PHACTR2: variants seen among roughly 807,000 people sequenced by gnomAD.
PHACTR2 encodes phosphatase and actin regulator 2, also known as chromosome 6 open reading frame 56.
Under a neutral mutation model 76.0 loss-of-function variants are expected in PHACTR2, and 30 were observed. The observed-to-expected ratio is 0.39, with a 90% CI of 0.30 to 0.54. The LOEUF is 0.54. Among genes scored for constraint, PHACTR2 ranks in the 20% least tolerant of loss-of-function variants. The pLI is 0.61. For synonymous variants in PHACTR2, 292 were observed against 292.5 expected (o/e 1.00, Z 0.02); for missense variants, 696 against 781.1 (o/e 0.89, Z 1.30).
Position 143,663,566 on chromosome 6 carries a change from A to C in PHACTR2, c.14-48450A>C, listed in dbSNP as rs750290955. On this transcript the variant is annotated intron_variant, in intron 1 of 11. Transcript: ENST00000305766. The surrounding 1 kb of genome is among the most constrained non-coding windows in gnomAD (Gnocchi z 4.1). ...TTTGTTTTTTTAAATAAATGCGATTAAAGCTTTAAATATAGCTCTAATTAC... is the reference window on the plus strand; with the variant it reads ...TTTGTTTTTTTAAATAAATGCGATTCAAGCTTTAAATATAGCTCTAATTAC... 7.9e-5 allele frequency among the ~76,000 whole-genome samples: 12 copies of C among 152,184 alleles called. No homozygotes were observed. The highest frequency in any genetic ancestry group is 1.6e-4 in the Non-Finnish European group (11 of 68,044).
rs1053236939 is a variant in PHACTR2, at chr6:143,550,117, G to A, written c.217+12910G>A. ...GAGCTCCCACTCTGAGTTCACATAT[G>A]AGTAGATGACAGAGTCGTATTATCT... On this transcript the variant is annotated intron_variant, in intron 1 of 11. Transcript: ENST00000367584. This position sits in a 1 kb window ranked among gnomAD's most constrained non-coding sequence, Gnocchi z 4.8. Among the ~76,000 whole-genome samples the A allele has an allele frequency of 6.6e-6, 1 of 152,020 alleles. No individual in the cohort carries two copies. Among genetic ancestry groups the A allele is most frequent in the Non-Finnish European group, 1.5e-5 (1 of 67,956 alleles).
chr6:143,754,511 C>T lies in PHACTR2; in HGVS notation c.454+599C>T, dbSNP rs1488665840. Among the ~76,000 whole-genome samples the T allele has an allele frequency of 2.0e-5, 3 of 152,198 alleles. No homozygotes were observed. The highest frequency in any genetic ancestry group is 4.4e-5 in the Non-Finnish European group (3 of 68,036). The stretch of plus-strand genomic sequence containing the variant: ...TGCAATTGGAAACTTCAAAATGTGC[C>T]AGAGGCGATTATGCTATTCCCAGAA... On this transcript the variant is annotated intron_variant, in intron 4 of 12. Coordinates refer to ENST00000440869, the MANE Select transcript of PHACTR2 (RefSeq NM_001100164.2). This position sits in a 1 kb window ranked among gnomAD's most constrained non-coding sequence, Gnocchi z 6.2.
chr6:143,801,730 T>C lies in PHACTR2; in HGVS notation c.1846-5327T>C, dbSNP rs919274356. 3.3e-5 allele frequency among the ~76,000 whole-genome samples: 5 copies of C among 152,158 alleles called. No individual in the cohort carries two copies. The highest frequency in any genetic ancestry group is 5.9e-5 in the Non-Finnish European group (4 of 68,018). ...CATCAAACTCATTCTCCGTCCAGTTTTGTTCCCTTGCTGGCGAGGAGTTGT... is the reference window on the plus strand; with the variant it reads ...CATCAAACTCATTCTCCGTCCAGTTCTGTTCCCTTGCTGGCGAGGAGTTGT... On this transcript the variant is annotated intron_variant, in intron 11 of 12. Transcript: ENST00000440869. The surrounding 1 kb of genome is among the most constrained non-coding windows in gnomAD (Gnocchi z 4.6).
chr6:143,661,805 C>G (rs2128448545), intron 1 of PHACTR2, among the ~76,000 whole-genome samples: 1 of 152,150 alleles, frequency 6.6e-6, no homozygotes, highest in East Asian at 1.9e-4. Flanking sequence ...GATTCGCTTG[C>G]CTTAGCCTCC....
intron 2 of PHACTR2, among the ~76,000 whole-genome samples, chr6:143,715,494 T>C (rs1405858104): frequency 1.3e-5 from 2 of 152,218 alleles, no homozygotes; most frequent in East Asian, 3.8e-4. Context: ...GAGGACAGCA[T>C]GTTAACTCAA....
rs1202718726 is a variant in PHACTR2, at chr6:143,772,014, G to T, written c.1233-244G>T. On this transcript the variant is annotated intron_variant, in intron 6 of 12. Transcript: ENST00000440869. This position sits in a 1 kb window ranked among gnomAD's most constrained non-coding sequence, Gnocchi z 5.4. ...TGAAGGAAAAAATAATTTGCAAAAT[G>T]TAGTTTTACCCTATTTGTTTGCTAA... Among the ~76,000 whole-genome samples, 1 of 152,192 alleles carries T rather than the reference G, an allele frequency of 6.6e-6. No homozygotes were observed. The highest frequency in any genetic ancestry group is 1.5e-5 in the Non-Finnish European group (1 of 68,030).
rs2128476694 is a variant in PHACTR2, at chr6:143,777,872, C to T, written c.1645+489C>T. On this transcript the variant is annotated intron_variant, in intron 9 of 12. Transcript: ENST00000440869. The surrounding 1 kb of genome is among the most constrained non-coding windows in gnomAD (Gnocchi z 4.6). ...TTCCTATGTTATGATAACTCGGCTT[C>T]CTTCTTGAGTTGTTTATAATTTCTC... Among the ~76,000 whole-genome samples the T allele has an allele frequency of 3.3e-5, 5 of 152,260 alleles. 1 individual carries two copies. The Middle Eastern group carries it at 0.017, about 518-fold the overall frequency.
At chr6:143,727,617 A>G (rs1029637342) in intron 2 of PHACTR2, among the ~76,000 whole-genome samples, 2 of 121,460 alleles carry the variant, frequency 1.6e-5, no homozygotes, top group Admixed American at 7.3e-5. Context: ...AATCCTCACC[A>G]ACATCTGTCA....
intron 2 of PHACTR2, among the ~76,000 whole-genome samples, chr6:143,712,509 G>T (rs1778199683): frequency 6.8e-6 from 1 of 146,416 alleles, no homozygotes; most frequent in African/African-American, 2.5e-5. Flanking sequence ...GTGATGACAG[G>T]TATCCATTTT....
Position 143,596,874 on chromosome 6 carries a change from G to A in PHACTR2, c.217+59667G>A, listed in dbSNP as rs117736864. ...AAATAAAAATAAAAAGAATCATGGCGTCCAACTCTGGGGCTGTTGCTAGGG... is the reference window on the plus strand; with the variant it reads ...AAATAAAAATAAAAAGAATCATGGCATCCAACTCTGGGGCTGTTGCTAGGG... On this transcript the variant is annotated intron_variant, in intron 1 of 11. Coordinates refer to the PHACTR2 transcript ENST00000367584. This position sits in a 1 kb window ranked among gnomAD's most constrained non-coding sequence, Gnocchi z 4.6. 8.3e-3 allele frequency among the ~76,000 whole-genome samples: 1,262 copies of A among 152,170 alleles called. 10 individuals are homozygous for A. The highest frequency in any genetic ancestry group is 0.024 in the Middle Eastern group (7 of 294).
In PHACTR2 at chr6:143,658,214, C is replaced by G. The variant is rs1479060569; in HGVS notation, c.13+49892C>G. ...GTTTAACATTACAGAAACTGCCAGA[C>G]TAACCTGAGCTTCAACAACAAATGT... is the stretch of plus-strand genomic sequence containing the variant. On this transcript the variant is annotated intron_variant, in intron 1 of 11. Coordinates refer to the PHACTR2 transcript ENST00000305766. The surrounding 1 kb of genome is among the most constrained non-coding windows in gnomAD (Gnocchi z 4.1). Among the ~76,000 whole-genome samples, 1 of 152,170 alleles carries G rather than the reference C, an allele frequency of 6.6e-6. No homozygotes were observed. Among genetic ancestry groups the G allele is most frequent in the African/African-American group, 2.4e-5 (1 of 41,438 alleles).
At position 143,782,134 on chromosome 6, in the gene PHACTR2, T is replaced by C. The variant is rs1246102514; in HGVS notation, c.1646-1085T>C. Among the ~76,000 whole-genome samples the C allele has an allele frequency of 6.6e-6, 1 of 152,124 alleles. No homozygotes were observed. Among genetic ancestry groups the C allele is most frequent in the East Asian group, 1.9e-4 (1 of 5,200 alleles). On this transcript the variant is annotated intron_variant, in intron 9 of 12. Transcript: ENST00000440869. The surrounding 1 kb of genome is among the most constrained non-coding windows in gnomAD (Gnocchi z 4.6). ...CATACCTGTCATGGATTAAAAAAATTTTTTTTAATTGAACCCGGGAAGCGG... is the reference window on the plus strand; with the variant it reads ...CATACCTGTCATGGATTAAAAAAATCTTTTTTAATTGAACCCGGGAAGCGG...
chr6:143,612,757 T>A (rs1562247899), intron 1 of PHACTR2, among the ~76,000 whole-genome samples: 1 of 152,162 alleles, frequency 6.6e-6, no homozygotes, highest in Non-Finnish European at 1.5e-5. Flanking sequence ...AAAAACTTGA[T>A]AAAAAATTAG....
rs1434237698 is a variant in PHACTR2, at chr6:143,794,649, CT to C, written c.1845+5740del. On this transcript the variant is annotated intron_variant, in intron 11 of 12. Transcript: ENST00000440869. This position sits in a 1 kb window ranked among gnomAD's most constrained non-coding sequence, Gnocchi z 4.1. Reference sequence around the variant, plus strand: ...TCTCTACTAAAAATACAAAAATTAGCTGTGCATGGTGGCTCCTGCCTGTAGT... The same window carrying C: ...TCTCTACTAAAAATACAAAAATTAGCGTGCATGGTGGCTCCTGCCTGTAGT... Among the ~76,000 whole-genome samples the C allele has an allele frequency of 6.6e-6, 1 of 152,028 alleles. No homozygotes were observed. Among genetic ancestry groups the C allele is most frequent in the African/African-American group, 2.4e-5 (1 of 41,382 alleles).
chr6:143,710,686 G>A lies in PHACTR2; in HGVS notation c.47-1330G>A, dbSNP rs1332627278. On this transcript the variant is annotated intron_variant, in intron 1 of 12. Transcript: ENST00000440869. The surrounding 1 kb of genome is among the most constrained non-coding windows in gnomAD (Gnocchi z 4.9). Reference sequence around the variant, plus strand: ...CACTCCAGCCTGGGCGACAGAGCAAGACTCTATCTCAAAAAGAAAAAGTAA... The same window carrying A: ...CACTCCAGCCTGGGCGACAGAGCAAAACTCTATCTCAAAAAGAAAAAGTAA... Among the ~76,000 whole-genome samples, 3 of 152,308 alleles carry A rather than the reference G, an allele frequency of 2.0e-5. No individual in the cohort carries two copies. The highest frequency in any genetic ancestry group is 4.8e-5 in the African/African-American group (2 of 41,564).
In PHACTR2 at chr6:143,820,521, G is replaced by C. The variant is rs551915603; in HGVS notation, c.1923-3153G>C. Among the ~76,000 whole-genome samples the C allele has an allele frequency of 6.6e-6, 1 of 152,198 alleles. No individual in the cohort carries two copies. The highest frequency in any genetic ancestry group is 1.5e-5 in the Non-Finnish European group (1 of 68,038). ...AACAAGGCAGTTGTTAAATCATAAAGCTCCAAAATAATCTCCTCTGACTCC... is the reference window on the plus strand; with the variant it reads ...AACAAGGCAGTTGTTAAATCATAAACCTCCAAAATAATCTCCTCTGACTCC... On this transcript the variant is annotated intron_variant, in intron 12 of 12. Transcript: ENST00000440869. This position sits in a 1 kb window ranked among gnomAD's most constrained non-coding sequence, Gnocchi z 4.2.
chr6:143,807,162 GA>G lies in PHACTR2; in HGVS notation c.1922+33del. On this transcript the variant is annotated intron_variant, in intron 12 of 12. Coordinates refer to ENST00000440869, the MANE Select transcript of PHACTR2 (RefSeq NM_001100164.2). This position sits in a 1 kb window ranked among gnomAD's most constrained non-coding sequence, Gnocchi z 5.5. ...GGTGACAAAATGCAGCTTAGAAATT[GA>G]AAATGCTTAAGATGTGATCCCATGT... The G allele has an allele frequency of 1.5e-6, 2 of 1,363,868 alleles. No individual in the cohort carries two copies. Among genetic ancestry groups the G allele is most frequent in the Non-Finnish European group, 2.1e-6 (2 of 962,246 alleles). 84.5% of individuals were successfully genotyped at this position (1,363,868 alleles called of 1,614,324 possible).
intron 1 of PHACTR2, among the ~76,000 whole-genome samples, chr6:143,612,954 A>C (rs1283459634): frequency 6.6e-6 from 1 of 152,242 alleles, no homozygotes; most frequent in Non-Finnish European, 1.5e-5. Context: ...TATTCTTAGA[A>C]GCATCCAGGA....
At chr6:143,567,031 T>G (rs1775373434) in intron 1 of PHACTR2, among the ~76,000 whole-genome samples, 1 of 152,102 alleles carries the variant, frequency 6.6e-6, no homozygotes, top group African/African-American at 2.4e-5. Context: ...TCTAAAGCCA[T>G]TAGCAGCCAC....
Sources: gnomAD v4.1 joint callset for allele counts (sites outside exome capture counted in the v4.1 genomes callset) on GRCh38, gnomAD v4.1.1 for gene constraint, Gnocchi (gnomAD v3.1) non-coding constraint, MANE v1.5 for transcripts, NCBI Gene and HGNC (gene_info 2026-07-23, HGNC 2026-07-21) for gene names.